TMEFF2: variants seen among roughly 807,000 people sequenced by gnomAD.
TMEFF2 encodes transmembrane protein with EGF like and two follistatin like domains 2, also known as tomoregulin-2.
TMEFF2 carries 28 observed loss-of-function variants against 53.8 expected under a neutral mutation model. The observed-to-expected ratio is 0.52, with a 90% CI of 0.39 to 0.71. The LOEUF (loss-of-function observed/expected upper bound fraction) is 0.71. Among genes scored for constraint, TMEFF2 ranks in the 30% least tolerant of loss-of-function variants. The pLI is 0.00. For missense variants in TMEFF2, 353 were observed against 455.2 expected, an observed-to-expected ratio of 0.78 and a Z score of 2.04; for synonymous variants, 162 against 166.3, an observed-to-expected ratio of 0.97 and a Z score of 0.20.
chr2:192,157,392 AT>A (rs1690530408), intron 4 of TMEFF2, among the ~76,000 whole-genome samples: 1 of 152,042 alleles, frequency 6.6e-6, no homozygotes, highest in African/African-American at 2.4e-5. Context: ...ATTGTTATAT[AT>A]ATCTTAAATA....
At chr2:191,978,040 A>G (rs1685772763) in intron 7 of TMEFF2, among the ~76,000 whole-genome samples, 1 of 152,206 alleles carries the variant, frequency 6.6e-6, no homozygotes, top group African/African-American at 2.4e-5. Context: ...CAGCACTTTT[A>G]GCAGAAACTC....
At chr2:191,961,657 T>C (rs550975820) in intron 7 of TMEFF2, among the ~76,000 whole-genome samples, 1 of 152,320 alleles carries the variant, frequency 6.6e-6, no homozygotes, top group South Asian at 2.1e-4. Flanking sequence ...GTCATGATTG[T>C]TCCCATTGTT....
At chr2:192,051,986 G>A (rs886598857) in intron 5 of TMEFF2, among the ~76,000 whole-genome samples, 4 of 152,072 alleles carry the variant, frequency 2.6e-5, no homozygotes, top group African/African-American at 9.7e-5. Flanking sequence ...AAACACTAAG[G>A]ATGTTATACA....
Position 192,028,370 on chromosome 2 carries a change from C to T in TMEFF2, c.537-29162G>A, listed in dbSNP as rs144888921. ...GAGTAAGTAAGGAGGAAGCAGATTG[C>T]CCCAACAAGATGCCTCTTTTGTTCA... On this transcript the variant is annotated intron_variant, in intron 5 of 9. Transcript: ENST00000272771. Among the ~76,000 whole-genome samples the T allele has an allele frequency of 8.1e-3, 1,238 of 152,194 alleles. 6 individuals carry two copies. Among genetic ancestry groups the T allele is most frequent in the Non-Finnish European group, 0.013 (870 of 67,996 alleles).
intron 7 of TMEFF2, among the ~76,000 whole-genome samples, chr2:191,968,956 A>G (rs1284405904): frequency 6.6e-6 from 1 of 152,130 alleles, no homozygotes; most frequent in Non-Finnish European, 1.5e-5. Flanking sequence ...CACCCAAGCC[A>G]CCCAGAAGGC....
chr2:192,069,916 T>A (rs1341223694), intron 4 of TMEFF2, among the ~76,000 whole-genome samples: 1 of 149,792 alleles, frequency 6.7e-6, no homozygotes, highest in Non-Finnish European at 1.5e-5. Context: ...TTAATTATAA[T>A]ATAATTGGAA....
At chr2:192,068,453 C>T (rs1688214854) in intron 4 of TMEFF2, among the ~76,000 whole-genome samples, 3 of 151,796 alleles carry the variant, frequency 2.0e-5, no homozygotes, top group Admixed American at 6.6e-5. Context: ...TTCCCTGAAA[C>T]ATCTAAATTT....
chr2:192,158,696 C>T (rs541068048), intron 4 of TMEFF2, among the ~76,000 whole-genome samples: 241 of 152,130 alleles, frequency 1.6e-3, no homozygotes, highest in African/African-American at 5.1e-3. Flanking sequence ...AGTAAGGATT[C>T]AAGGTATTAA....
intron 4 of TMEFF2, among the ~76,000 whole-genome samples, chr2:192,173,882 G>T (rs536701033): frequency 8.6e-5 from 13 of 151,626 alleles, no homozygotes; most frequent in Admixed American, 8.6e-4. Flanking sequence ...TAAACCCTTC[G>T]GAGAAATTAT....
intron 4 of TMEFF2, among the ~76,000 whole-genome samples, chr2:192,137,671 G>C (rs1690042502): frequency 2.0e-5 from 3 of 151,796 alleles, no homozygotes; most frequent in Non-Finnish European, 2.9e-5. Context: ...AATCTTGAAT[G>C]AGTCAGACTA....
At chr2:191,998,900 T>A (rs748659637) in intron 6 of TMEFF2, among the ~76,000 whole-genome samples, 160 bp downstream of exon 6, 4 of 151,998 alleles carry the variant, frequency 2.6e-5, no homozygotes, top group Non-Finnish European at 5.9e-5. Flanking sequence ...CTCAAAATCC[T>A]ATAATCGACA....
At position 192,001,349 on chromosome 2, in the gene TMEFF2, A is replaced by G. The variant is rs77157462; in HGVS notation, c.537-2141T>C. Among the ~76,000 whole-genome samples, 293 of 152,160 alleles carry G rather than the reference A, an allele frequency of 1.9e-3. 1 individual carries two copies. The highest frequency in any genetic ancestry group is 6.7e-3 in the African/African-American group (280 of 41,536). The stretch of plus-strand genomic sequence containing the variant: ...AGAAATTTAGAAATGTACACTATAT[A>G]TATATTTTACATTTTTATTAATATT... On this transcript the variant is annotated intron_variant, in intron 5 of 9. Transcript: ENST00000272771.
intron 4 of TMEFF2, among the ~76,000 whole-genome samples, chr2:192,114,378 G>A (rs1474858003): frequency 6.6e-6 from 1 of 151,654 alleles, no homozygotes; most frequent in East Asian, 1.9e-4. Flanking sequence ...ATGCAAGGAT[G>A]ATAAGGAAGA....
intron 7 of TMEFF2, among the ~76,000 whole-genome samples, chr2:191,989,496 T>C (rs1261018430): frequency 6.6e-6 from 1 of 152,172 alleles, no homozygotes; most frequent in Non-Finnish European, 1.5e-5. Context: ...ATATATGCTC[T>C]AGTTAGGCTT....
intron 7 of TMEFF2, among the ~76,000 whole-genome samples, chr2:191,957,632 A>G (rs774037803): frequency 3.9e-5 from 6 of 152,222 alleles, no homozygotes; most frequent in Admixed American, 2.6e-4. Context: ...CATCTGCAAA[A>G]CAAAGTCTGA....
At chr2:192,037,273 T>TAAAAG (rs568551324) in intron 5 of TMEFF2, among the ~76,000 whole-genome samples, 197 of 94,724 alleles carry the variant, frequency 2.1e-3, no homozygotes, top group African/African-American at 4.2e-3. Context: ...CTAGCCAAAA[T>TAAAAG]AAAGAAAGAA....
intron 5 of TMEFF2, among the ~76,000 whole-genome samples, chr2:192,054,059 T>A (rs990227258): frequency 2.6e-5 from 4 of 152,080 alleles, no homozygotes; most frequent in African/African-American, 4.8e-5. Context: ...TCTAATGATC[T>A]TCTTGGCTCC....
At chr2:192,146,790 C>A (rs1690263363) in intron 4 of TMEFF2, among the ~76,000 whole-genome samples, 1 of 152,094 alleles carries the variant, frequency 6.6e-6, no homozygotes, top group Non-Finnish European at 1.5e-5. Flanking sequence ...CACCCAGAGC[C>A]ATATTCATGG....
rs554435358 is a variant in TMEFF2, at chr2:192,002,830, A to AAAAAC, written c.537-3627_537-3623dup. On this transcript the variant is annotated intron_variant, in intron 5 of 9. Transcript: ENST00000272771. ...GGGCAACAGAGTGGGACTCTGTTTC[A>AAAAAC]AAAACAAAACAAAACAAAACACAAA... Among the ~76,000 whole-genome samples the AAAAAC allele has an allele frequency of 4.0e-3, 616 of 152,286 alleles. 3 individuals carry two copies. Among genetic ancestry groups the AAAAAC allele is most frequent in the Non-Finnish European group, 4.6e-3 (314 of 68,018 alleles).
Sources: gnomAD v4.1 joint callset for allele counts (sites outside exome capture counted in the v4.1 genomes callset) on GRCh38, gnomAD v4.1.1 for gene constraint, MANE v1.5 for transcripts, NCBI Gene and HGNC (gene_info 2026-07-23, HGNC 2026-07-21) for gene names.